Variants in PLCB1 observed in about 807,000 individuals in gnomAD.
PLCB1 encodes 1-phosphatidylinositol 4,5-bisphosphate phosphodiesterase beta-1.
A neutral mutation model predicts 161.8 loss-of-function variants in PLCB1; 46 were observed. That is an observed-to-expected ratio of 0.28 (90% CI 0.22 to 0.36). The LOEUF (loss-of-function observed/expected upper bound fraction) is 0.36, where lower values mean the gene tolerates loss of function less well. Ranked by LOEUF, PLCB1 falls within the 10% of genes least tolerant of loss-of-function variation. The pLI is 1.00. For synonymous variants in PLCB1, 517 were observed against 503.7 expected, an observed-to-expected ratio of 1.03 and a Z score of -0.35; for missense variants, 1,016 against 1,472.5, an observed-to-expected ratio of 0.69 and a Z score of 5.07.
At chr20:8,382,121 T>C (rs191024790) in intron 3 of PLCB1, among the ~76,000 whole-genome samples, 163 of 152,286 alleles carry the variant, frequency 1.1e-3, no homozygotes, top group African/African-American at 2.8e-3. Flanking sequence ...AACACTGCTC[T>C]AGCTGTGTCC....
At chr20:8,868,048 T>G (rs1600104272) in intron 31 of PLCB1, among the ~76,000 whole-genome samples, 1 of 152,218 alleles carries the variant, frequency 6.6e-6, no homozygotes, top group Non-Finnish European at 1.5e-5. Context: ...CCCAAGAGAT[T>G]TTTTTCTTTT....
chr20:8,495,816 C>A (rs1214915777), intron 3 of PLCB1, among the ~76,000 whole-genome samples: 1 of 152,148 alleles, frequency 6.6e-6, no homozygotes, highest in Non-Finnish European at 1.5e-5. Flanking sequence ...CTATTCCATC[C>A]TTTCTGCAAT....
chr20:8,374,258 C>A (rs1260141504), intron 3 of PLCB1, among the ~76,000 whole-genome samples: 2 of 152,090 alleles, frequency 1.3e-5, no homozygotes, highest in African/African-American at 4.8e-5. Flanking sequence ...TTTGGTAGTT[C>A]CTCCTGAGTT....
intron 2 of PLCB1, among the ~76,000 whole-genome samples, chr20:8,289,676 G>A (rs1194057045): frequency 6.6e-6 from 1 of 152,124 alleles, no homozygotes; most frequent in East Asian, 1.9e-4. Flanking sequence ...AGGTTGACCA[G>A]GCTAACAAGT....
At chr20:8,453,253 G>T (rs753969254) in intron 3 of PLCB1, among the ~76,000 whole-genome samples, 5 of 152,212 alleles carry the variant, frequency 3.3e-5, no homozygotes, top group Non-Finnish European at 7.3e-5. Flanking sequence ...GGTTCCAGTG[G>T]AAGGTGAGCA....
intron 31 of PLCB1, among the ~76,000 whole-genome samples, chr20:8,824,398 A>G (rs1985586087): frequency 7.4e-6 from 1 of 134,960 alleles, no homozygotes. Context: ...TGCTGGCTGC[A>G]TGCTTTCTCT....
intron 31 of PLCB1, among the ~76,000 whole-genome samples, chr20:8,840,516 G>T (rs1025937689): frequency 1.8e-4 from 28 of 152,208 alleles, no homozygotes; most frequent in African/African-American, 6.5e-4. Context: ...GCCTGGCAAA[G>T]GTGGGACGTC....
intron 2 of PLCB1, among the ~76,000 whole-genome samples, chr20:8,317,217 A>C (rs756955364): frequency 6.6e-6 from 1 of 152,166 alleles, no homozygotes; most frequent in South Asian, 2.1e-4. Context: ...AATAGAATGC[A>C]TAAAAGTGCT....
intron 3 of PLCB1, among the ~76,000 whole-genome samples, chr20:8,428,421 A>G (rs150709002): frequency 0.015 from 2,292 of 152,294 alleles, 32 homozygotes; most frequent in Non-Finnish European, 0.022. Context: ...TGGTTTTGCC[A>G]TGTTGGCCAG....
chr20:8,174,789 C>A (rs1165167877), intron 2 of PLCB1, among the ~76,000 whole-genome samples: 5 of 152,220 alleles, frequency 3.3e-5, no homozygotes, highest in South Asian at 2.1e-4. Context: ...GGGCTGATGC[C>A]TCTAATCCCA....
chr20:8,464,708 G>C (rs927983656), intron 3 of PLCB1, among the ~76,000 whole-genome samples: 1 of 152,136 alleles, frequency 6.6e-6, no homozygotes, highest in African/African-American at 2.4e-5. Context: ...CCATAACATA[G>C]AGAAGCTCAC....
intron 3 of PLCB1, among the ~76,000 whole-genome samples, chr20:8,552,451 G>A (rs979060624): frequency 1.3e-5 from 2 of 152,138 alleles, no homozygotes; most frequent in African/African-American, 4.8e-5. Flanking sequence ...AAGGAAGAGA[G>A]GACAGAACAA....
chr20:8,492,687 A>G (rs1000548491), intron 3 of PLCB1, among the ~76,000 whole-genome samples: 6 of 152,102 alleles, frequency 3.9e-5, no homozygotes, highest in Non-Finnish European at 8.8e-5. Context: ...ATGTAAACAT[A>G]AGTCAGGAAC....
intron 9 of PLCB1, among the ~76,000 whole-genome samples, chr20:8,670,103 TA>T (rs1458888138): frequency 1.3e-5 from 2 of 152,196 alleles, no homozygotes; most frequent in Non-Finnish European, 2.9e-5. Context: ...AATCAGTACT[TA>T]TACAAATCCA....
chr20:8,826,077 A>C (rs1985681094), intron 31 of PLCB1, among the ~76,000 whole-genome samples: 2 of 152,234 alleles, frequency 1.3e-5, no homozygotes, highest in Admixed American at 1.3e-4. Flanking sequence ...AGGCATCTAG[A>C]GAAGTCATGT....
chr20:8,250,192 A>AT (rs1568605261), intron 2 of PLCB1, among the ~76,000 whole-genome samples: 1 of 151,958 alleles, frequency 6.6e-6, no homozygotes, highest in Non-Finnish European at 1.5e-5. Flanking sequence ...GCGCCATCCC[A>AT]TATCTGTGAA....
chr20:8,644,464 A>G (rs1184339495), intron 4 of PLCB1, among the ~76,000 whole-genome samples: 4 of 150,412 alleles, frequency 2.7e-5, no homozygotes, highest in Non-Finnish European at 5.9e-5. Context: ...CTGGGATGTG[A>G]GGAGCGCCTC....
At chr20:8,314,407 T>G (rs765040746) in intron 2 of PLCB1, among the ~76,000 whole-genome samples, 92 of 152,190 alleles carry the variant, frequency 6.0e-4, no homozygotes, top group African/African-American at 2.0e-3. Flanking sequence ...AGAATATATG[T>G]AAGAAGCCAT....
chr20:8,847,078 G>C (rs1239378492), intron 31 of PLCB1, among the ~76,000 whole-genome samples: 1 of 152,208 alleles, frequency 6.6e-6, no homozygotes, highest in African/African-American at 2.4e-5. Flanking sequence ...GGTGGGAAAA[G>C]CCTGGGCATT....
Sources: gnomAD v4.1 joint callset for allele counts (sites outside exome capture counted in the v4.1 genomes callset) on GRCh38, gnomAD v4.1.1 for gene constraint, MANE v1.5 for transcripts, NCBI Gene and HGNC (gene_info 2026-07-23, HGNC 2026-07-21) for gene names.